CCDC30: variants seen among roughly 807,000 people sequenced by gnomAD.
CCDC30 encodes the protein coiled-coil domain-containing protein 30.
Under a neutral mutation model 100.2 loss-of-function variants are expected in CCDC30, and 70 were observed. That is an observed-to-expected ratio of 0.70 (90% confidence interval 0.58 to 0.85). The LOEUF (loss-of-function observed/expected upper bound fraction) is 0.85. Ranked by LOEUF, CCDC30 falls within the 40% of genes least tolerant of loss-of-function variation. CCDC30 has a pLI of 0.00. For synonymous variants in CCDC30, 233 were observed against 269.5 expected, an observed-to-expected ratio of 0.86 and a Z score of 1.33; for missense variants, 652 against 771.2, an observed-to-expected ratio of 0.85 and a Z score of 1.83.
chr1:42,573,309 C>G (rs1398881067), intron 7 of CCDC30, among the ~76,000 whole-genome samples: 1 of 152,004 alleles, frequency 6.6e-6, no homozygotes, highest in African/African-American at 2.4e-5. Context: ...TTTAATTTCT[C>G]TCAATATTTA....
intron 6 of CCDC30, among the ~76,000 whole-genome samples, chr1:42,505,203 A>C (rs1644376702): frequency 6.7e-6 from 1 of 148,704 alleles, no homozygotes. Flanking sequence ...CCTTGGTTTT[A>C]TTTTCCTAAA....
chr1:42,484,557 A>G (rs904144934), intron 3 of CCDC30, among the ~76,000 whole-genome samples: 1 of 152,198 alleles, frequency 6.6e-6, no homozygotes, highest in Non-Finnish European at 1.5e-5. Context: ...TGAGTCTATT[A>G]GGACTGCTGG....
rs190280832 is a variant in CCDC30 at position 42,617,495 on chromosome 1, A to G, written c.1277+6405A>G. 3.7e-3 allele frequency among the ~76,000 whole-genome samples: 564 copies of G among 152,292 alleles called. 1 individual carries two copies. The highest frequency in any genetic ancestry group is 5.7e-3 in the Non-Finnish European group (391 of 68,022). On this transcript the variant is annotated intron_variant, in intron 11 of 16. Coordinates refer to ENST00000668663, the Ensembl canonical transcript of CCDC30. ...AAGACAGGGGAATTGCAAGACAGAA[A>G]AAGATTAATTCATGCAGAGTCAGCT...
chr1:42,639,097 A>T (rs948492168), intron 12 of CCDC30, among the ~76,000 whole-genome samples: 1 of 152,164 alleles, frequency 6.6e-6, no homozygotes, highest in African/African-American at 2.4e-5. Context: ...GCGTCCCTCA[A>T]ATTCATGTCC....
chr1:42,521,407 A>T (rs1262980557), intron 6 of CCDC30, among the ~76,000 whole-genome samples: 1 of 152,152 alleles, frequency 6.6e-6, no homozygotes, highest in East Asian at 1.9e-4. Context: ...ATCCTGTTTC[A>T]GTTGGAGAAG....
At chr1:42,612,350 A>G (rs1439432872) in intron 11 of CCDC30, among the ~76,000 whole-genome samples, 1 of 152,166 alleles carries the variant, frequency 6.6e-6, no homozygotes, top group Non-Finnish European at 1.5e-5. Context: ...GAGGAAGAAT[A>G]TGCATTAGAG....
At chr1:42,585,393 C>G (rs962187500) in intron 9 of CCDC30, among the ~76,000 whole-genome samples, 1 of 152,030 alleles carries the variant, frequency 6.6e-6, no homozygotes, top group Non-Finnish European at 1.5e-5. Flanking sequence ...AGCCATTGTG[C>G]CTGGCCACAT....
At chr1:42,497,999 A>G (rs559272764) in intron 5 of CCDC30, among the ~76,000 whole-genome samples, 1 of 152,344 alleles carries the variant, frequency 6.6e-6, no homozygotes, top group Non-Finnish European at 1.5e-5. Context: ...CATTATTCAC[A>G]ATAGCCAGAA....
At chr1:42,524,174 A>G (rs6688679) in intron 6 of CCDC30, among the ~76,000 whole-genome samples, 4,336 of 151,882 alleles carry the variant, frequency 0.029, 213 homozygotes, top group African/African-American at 0.098. Context: ...TTAAAAATTG[A>G]ACATCTGAAT....
chr1:42,470,661 A>G (rs1177277011), intron 1 of CCDC30, among the ~76,000 whole-genome samples: 1 of 152,226 alleles, frequency 6.6e-6, no homozygotes, highest in East Asian at 1.9e-4. Context: ...TACAACATGG[A>G]TGAATCTTGA....
intron 6 of CCDC30, among the ~76,000 whole-genome samples, chr1:42,545,806 T>G (rs1645118263): frequency 6.6e-6 from 1 of 151,640 alleles, no homozygotes. Flanking sequence ...TAGCCTGGCA[T>G]GATGATGTGT....
chr1:42,536,776 G>T, intron 6 of CCDC30, 175 bp downstream of exon 7: 1 of 540,448 alleles, frequency 1.9e-6, no homozygotes, highest in East Asian at 3.1e-5. Flanking sequence ...TATGGAGGAG[G>T]GGAAGTCCAA....
intron 6 of CCDC30, 104 bp downstream of exon 10, chr1:42,556,509 A>AT: frequency 7.9e-7 from 1 of 1,259,784 alleles, no homozygotes; most frequent in Non-Finnish European, 1.1e-6. Flanking sequence ...GTTTTTTTTT[A>AT]TTTTTTTAGG....
chr1:42,493,603 CA>C (rs1384459940), intron 4 of CCDC30, among the ~76,000 whole-genome samples: 1 of 151,732 alleles, frequency 6.6e-6, no homozygotes, highest in Non-Finnish European at 1.5e-5. Context: ...AAAAAAAAAT[CA>C]ACAAAACTAA....
At chr1:42,457,024 G>A in the CCDC30 span, 6 of 1,601,704 alleles carry the variant, frequency 3.7e-6, no homozygotes, top group African/African-American at 6.7e-5. Flanking sequence ...CCACTTTGGC[G>A]GACTATTTGC....
chr1:42,630,428 G>C (rs1261716875), intron 11 of CCDC30, among the ~76,000 whole-genome samples: 2 of 150,696 alleles, frequency 1.3e-5, no homozygotes, highest in Admixed American at 1.3e-4. Flanking sequence ...TGTTGCCCAG[G>C]TTGGAGTGCA....
At chr1:42,547,241 GA>G (rs982349817) in intron 6 of CCDC30, among the ~76,000 whole-genome samples, 1 of 152,194 alleles carries the variant, frequency 6.6e-6, no homozygotes, top group Admixed American at 6.5e-5. Context: ...TAGGGAAAGA[GA>G]AAGTCTAGTT....
chr1:42,635,725 A>C (rs145673215), intron 11 of CCDC30, among the ~76,000 whole-genome samples: 1 of 150,942 alleles, frequency 6.6e-6, no homozygotes, highest in Non-Finnish European at 1.5e-5. Flanking sequence ...GGAGAATGGC[A>C]TGAACCCGGG....
At chr1:42,636,440 T>C (rs12129168) in intron 11 of CCDC30, among the ~76,000 whole-genome samples, 29,907 of 151,798 alleles carry the variant, frequency 0.2, 3,756 homozygotes, top group Non-Finnish European at 0.27. Flanking sequence ...CCAGACTCAA[T>C]GCAAGGACTG....
Sources: gnomAD v4.1 joint callset for allele counts (sites outside exome capture counted in the v4.1 genomes callset) on GRCh38, gnomAD v4.1.1 for gene constraint, MANE v1.5 for transcripts, NCBI Gene and HGNC (gene_info 2026-07-23, HGNC 2026-07-21) for gene names.